Variants in NSD1 observed in about 807,000 individuals in gnomAD.
NSD1 encodes the protein histone-lysine N-methyltransferase, H3 lysine-36 specific.
Under a neutral mutation model 242.7 loss-of-function variants are expected in NSD1, and 26 were observed. The observed-to-expected ratio is 0.11, with a 90% CI of 0.08 to 0.15. The LOEUF is 0.15. NSD1 is among the 10% of genes least tolerant of loss of function. The pLI, the probability that NSD1 is intolerant of heterozygous loss-of-function variation, is 1.00. For missense variants in NSD1, 2,495 were observed against 3,272.8 expected (o/e 0.76, Z 5.80); for synonymous variants, 1,106 against 1,178.1 (o/e 0.94, Z 1.25).
At chr5:177,160,919 C>G (rs1340417262) in intron 2 of NSD1, among the ~76,000 whole-genome samples, 1 of 151,874 alleles carries the variant, frequency 6.6e-6, no homozygotes, top group Non-Finnish European at 1.5e-5. Flanking sequence ...CAGCCATGAG[C>G]CACCACGCCC....
In NSD1 at chr5:177,174,687, T is replaced by C. The variant is rs1489069717; in HGVS notation, c.928-17197T>C. On this transcript the variant is annotated intron_variant, in intron 2 of 22. Coordinates refer to ENST00000439151, the MANE Select transcript of NSD1 (RefSeq NM_022455.5). ...AATTCTTCTGCCTCAGCCTCCTGAG[T>C]AGCTGGGATTACAGGTGCCCACTAC... Among the ~76,000 whole-genome samples, 20 of 149,196 alleles carry C rather than the reference T, an allele frequency of 1.3e-4. No individual in the cohort carries two copies. The Admixed American group carries it at 1.4e-3, about 10-fold the overall frequency.
intron 14 of NSD1, chr5:177,265,284 A>C: frequency 1.5e-6 from 1 of 683,426 alleles, no homozygotes; most frequent in Non-Finnish European, 2.6e-6. Flanking sequence ...TGTTAAAAAA[A>C]AAAAGCAAAA....
intron 16 of NSD1, among the ~76,000 whole-genome samples, chr5:177,271,955 C>T (rs1002430734): frequency 5.3e-5 from 8 of 151,934 alleles, no homozygotes; most frequent in Non-Finnish European, 1.0e-4. Context: ...AACCCTGTCT[C>T]TACTAAAAAT....
chr5:177,145,809 G>A (rs1581120924), intron 2 of NSD1, among the ~76,000 whole-genome samples: 3 of 151,644 alleles, frequency 2.0e-5, no homozygotes, highest in Non-Finnish European at 4.4e-5. Context: ...TTGGGAGGCT[G>A]AGGCAGAAGA....
chr5:177,245,802 A>C (rs569845596), intron 9 of NSD1, among the ~76,000 whole-genome samples: 1 of 150,488 alleles, frequency 6.6e-6, no homozygotes, highest in East Asian at 2.0e-4. Context: ...CGCCTGGCTA[A>C]TTTGTTTTGT....
intron 2 of NSD1, among the ~76,000 whole-genome samples, chr5:177,159,023 T>TATATAA (rs1758492510): frequency 8.4e-6 from 1 of 119,108 alleles, no homozygotes; most frequent in African/African-American, 3.2e-5. Context: ...TATATATATA[T>TATATAA]ATGAATGATA....
chr5:177,280,497 C>G (rs1201991823), intron 17 of NSD1, 68 bp from the exon 18 acceptor site: 2 of 1,605,862 alleles, frequency 1.2e-6, no homozygotes, highest in South Asian at 1.1e-5. Flanking sequence ...AAAAGTTTGC[C>G]TTTTTCAGGA....
In NSD1 at chr5:177,257,249, G is replaced by A. The variant is rs1160473594; in HGVS notation, c.4966+98G>A. 4 of 858,852 alleles carry A rather than the reference G, an allele frequency of 4.7e-6. No individual in the cohort carries two copies. The African/African-American group carries it at 9.3e-5, about 20-fold the overall frequency. The allele number at this position is 858,852 out of a possible 1,614,324, so 53.2% of individuals were successfully genotyped here. On this transcript the variant is annotated intron_variant, in intron 13 of 22. Coordinates refer to ENST00000439151, the MANE Select transcript of NSD1 (RefSeq NM_022455.5). ...CTTTCTTTTTTTTTTTTTTTTTTTG[G>A]AGACAGAGTCTCGCTGTGTTGCCGA...
At chr5:177,274,606 C>A (rs982624936) in intron 17 of NSD1, among the ~76,000 whole-genome samples, 2 of 151,890 alleles carry the variant, frequency 1.3e-5, no homozygotes, top group Non-Finnish European at 2.9e-5. Context: ...CCAGGTTGTT[C>A]TTGTAAAACA....
intron 5 of NSD1, among the ~76,000 whole-genome samples, chr5:177,225,386 G>C (rs1430909674): frequency 6.6e-6 from 1 of 152,056 alleles, no homozygotes; most frequent in Non-Finnish European, 1.5e-5. Context: ...CAAGTAATCT[G>C]CCTGTCTGAG....
At chr5:177,177,907 A>T (rs1439658648) in intron 2 of NSD1, among the ~76,000 whole-genome samples, 1 of 151,950 alleles carries the variant, frequency 6.6e-6, no homozygotes, top group African/African-American at 2.4e-5. Context: ...TATTATTATT[A>T]TTTTTGAGAT....
At chr5:177,267,448 T>C in intron 14 of NSD1, 114 bp from the exon 15 acceptor site, 1 of 878,428 alleles carries the variant, frequency 1.1e-6, no homozygotes, top group South Asian at 1.5e-5. Context: ...AATGTTTTTA[T>C]TTAGTATATC....
chr5:177,137,964 A>C (rs1258552716), intron 2 of NSD1, among the ~76,000 whole-genome samples: 1 of 151,696 alleles, frequency 6.6e-6, no homozygotes, highest in African/African-American at 2.4e-5. Context: ...AATCCCAGCT[A>C]CTCGAGAGGC....
At chr5:177,231,232 C>T (rs1765031455) in intron 5 of NSD1, among the ~76,000 whole-genome samples, 1 of 150,790 alleles carries the variant, frequency 6.6e-6, no homozygotes, top group Non-Finnish European at 1.5e-5. Flanking sequence ...ACTACAGGCG[C>T]GTGCCACCAC....
At chr5:177,198,634 G>C (rs893046057) in intron 3 of NSD1, among the ~76,000 whole-genome samples, 2 of 151,990 alleles carry the variant, frequency 1.3e-5, no homozygotes, top group South Asian at 4.1e-4. Context: ...CCAACATATG[G>C]GGGGGTCAAG....
chr5:177,260,932 A>T (rs1446930488), intron 14 of NSD1, among the ~76,000 whole-genome samples: 1 of 152,236 alleles, frequency 6.6e-6, no homozygotes, highest in Non-Finnish European at 1.5e-5. Context: ...AAGCAATTTT[A>T]TACAAATTAA....
rs1581434299 is a variant in NSD1, at chr5:177,248,411, G to A, written c.4641+87G>A. Reference sequence around the variant, plus strand: ...TCCATCTCTTTATGATGGTTTCTTGGTAGAATAACAATGCTTTTGGATGAT... The same window carrying A: ...TCCATCTCTTTATGATGGTTTCTTGATAGAATAACAATGCTTTTGGATGAT... On this transcript the variant is annotated intron_variant, in intron 11 of 22. Coordinates refer to ENST00000439151, the MANE Select transcript of NSD1 (RefSeq NM_022455.5). 6.1e-6 allele frequency: 9 copies of A among 1,481,710 alleles called. No individual in the cohort carries two copies. The East Asian group carries it at 1.7e-4, about 28-fold the overall frequency. 91.8% of individuals were successfully genotyped at this position (1,481,710 alleles called of 1,614,324 possible).
At chr5:177,258,740 C>T (rs967458829) in intron 13 of NSD1, among the ~76,000 whole-genome samples, 4 of 151,364 alleles carry the variant, frequency 2.6e-5, no homozygotes, top group African/African-American at 7.3e-5. Flanking sequence ...TTCATCATAT[C>T]GGTCAGGCTG....
intron 2 of NSD1, among the ~76,000 whole-genome samples, chr5:177,190,850 G>A (rs1437672321): frequency 6.7e-6 from 1 of 150,038 alleles, no homozygotes; most frequent in Non-Finnish European, 1.5e-5. Flanking sequence ...TTTATTTTTA[G>A]TAGAGACGGG....
Sources: allele counts gnomAD v4.1 joint callset (sites outside exome capture counted in the v4.1 genomes callset), GRCh38; gene constraint gnomAD v4.1.1; transcripts MANE v1.5; gene names NCBI Gene and HGNC (gene_info 2026-07-23, HGNC 2026-07-21).